The following KCTD20 variants were observed in gnomAD, a reference collection of about 807,000 sequenced individuals.
The protein encoded by KCTD20 is BTB/POZ domain-containing protein KCTD20.
In KCTD20, 30 loss-of-function variants were observed where a neutral mutation model predicts 39.6. The observed-to-expected ratio is 0.76, with a 90% CI of 0.57 to 1.03. The LOEUF (loss-of-function observed/expected upper bound fraction) is 1.03, where lower values mean the gene tolerates loss of function less well. Among genes scored for constraint, KCTD20 ranks in the 50% least tolerant of loss-of-function variants. The pLI, the probability that KCTD20 is intolerant of heterozygous loss-of-function variation, is 0.00. For missense variants in KCTD20, 422 were observed against 522.0 expected (o/e 0.81, Z 1.87); for synonymous variants, 162 against 180.6 (o/e 0.90, Z 0.83).
At chr6:36,464,511 G>A (rs1486283011) in intron 1 of KCTD20, among the ~76,000 whole-genome samples, 2 of 152,162 alleles carry the variant, frequency 1.3e-5, no homozygotes, top group Non-Finnish European at 2.9e-5. Context: ...TAGAGACTCA[G>A]TACTTTCGGA....
intron 1 of KCTD20, among the ~76,000 whole-genome samples, chr6:36,455,575 C>T (rs1328753326): frequency 2.7e-5 from 4 of 148,418 alleles, no homozygotes; most frequent in Non-Finnish European, 5.9e-5. Context: ...AGCGTTCCAC[C>T]AAAGAAAATA....
At position 36,481,477 on chromosome 6, in the gene KCTD20, A is replaced by T. The variant is rs1582369399; in HGVS notation, c.659-85A>T. ...ACTTCTCTGAACCTCATCAATGATA[A>T]CAGCCATTCCCTCATAGTCTTTTTC... On this transcript the variant is annotated intron_variant, in intron 5 of 7. Coordinates refer to ENST00000373731, the MANE Select transcript of KCTD20 (RefSeq NM_173562.5). 2.8e-5 allele frequency: 27 copies of T among 977,204 alleles called. No homozygotes were observed. In the South Asian group the frequency reaches 3.2e-4, roughly 12 times the overall value. 60.5% of individuals were successfully genotyped at this position (977,204 alleles called of 1,614,324 possible).
At chr6:36,449,160 A>T (rs935417958) in intron 1 of KCTD20, among the ~76,000 whole-genome samples, 10 of 152,210 alleles carry the variant, frequency 6.6e-5, no homozygotes, top group African/African-American at 2.4e-4. Flanking sequence ...GCCAGCATTT[A>T]GTCCCTTATT....
At chr6:36,455,622 C>T (rs1775411009) in intron 1 of KCTD20, among the ~76,000 whole-genome samples, 1 of 144,746 alleles carries the variant, frequency 6.9e-6, no homozygotes, top group African/African-American at 2.7e-5. Flanking sequence ...TGTGTGTGTT[C>T]ACACACATAC....
chr6:36,487,339 T>A lies in KCTD20; in HGVS notation c.*164T>A. ...ATGTCCTTTTCAGTAAGTCCATGCC[T>A]CTGGCAGGGGATGAAGAAGTACTCA... On this transcript the variant is annotated 3_prime_UTR_variant, in exon 8 of 8. Transcript: ENST00000373731. 1 of 670,786 alleles carries A rather than the reference T, an allele frequency of 1.5e-6. No homozygotes were observed. Among genetic ancestry groups the A allele is most frequent in the Non-Finnish European group, 2.5e-6 (1 of 403,566 alleles). The allele number at this position is 670,786 out of a possible 1,614,324, so 41.6% of individuals were successfully genotyped here. A position where few individuals can be genotyped will look rare whatever the true frequency, so the allele number is the denominator to read the frequency against.
rs575265872 is a variant in KCTD20 at position 36,461,651 on chromosome 6, C to T, written c.-46-8401C>T. Among the ~76,000 whole-genome samples the T allele has an allele frequency of 2.5e-3, 381 of 152,090 alleles. 2 individuals are homozygous for T. Among genetic ancestry groups the T allele is most frequent in the African/African-American group, 8.9e-3 (369 of 41,470 alleles). ...TATGTGCACAAAAGCTGTCTTTCAA[C>T]GTTAAGTTATATTGACAAAAAAGTA... On this transcript the variant is annotated intron_variant, in intron 1 of 7. Coordinates refer to ENST00000373731, the MANE Select transcript of KCTD20 (RefSeq NM_173562.5).
At chr6:36,456,578 CT>C (rs58002986) in intron 1 of KCTD20, among the ~76,000 whole-genome samples, 3,620 of 106,648 alleles carry the variant, frequency 0.034, 77 homozygotes, top group East Asian at 0.1. Flanking sequence ...CACGCCCAGG[CT>C]TTTTTTTTTT....
intron 1 of KCTD20, among the ~76,000 whole-genome samples, chr6:36,457,591 G>A (rs1223045037): frequency 1.3e-5 from 2 of 152,088 alleles, no homozygotes; most frequent in Admixed American, 1.3e-4. Flanking sequence ...GTGCATACCT[G>A]TAATACCAGC....
At chr6:36,464,480 C>A (rs1452240539) in intron 1 of KCTD20, among the ~76,000 whole-genome samples, 1 of 152,136 alleles carries the variant, frequency 6.6e-6, no homozygotes, top group Non-Finnish European at 1.5e-5. Context: ...CATCACACAC[C>A]AGCTAATTTC....
chr6:36,484,654 C>T (rs2127457377), intron 6 of KCTD20, 60 bp from the exon 7 acceptor site: 2 of 755,402 alleles, frequency 2.6e-6, no homozygotes, highest in East Asian at 2.5e-5. Context: ...ATTTTGTTAG[C>T]TTCTCTCTTT....
At chr6:36,479,352 G>C in intron 4 of KCTD20, 129 bp downstream of exon 4, 1 of 740,422 alleles carries the variant, frequency 1.4e-6, no homozygotes, top group Non-Finnish European at 2.2e-6. Flanking sequence ...TTCTCCCTTT[G>C]TTTTCTATTC....
intron 5 of KCTD20, among the ~76,000 whole-genome samples, chr6:36,480,999 A>AT (rs1776229029): frequency 6.6e-6 from 1 of 152,222 alleles, no homozygotes; most frequent in Non-Finnish European, 1.5e-5. Context: ...GAGAACTCAG[A>AT]TTGTCTGACT....
In KCTD20 at chr6:36,469,904, A is replaced by G. The variant is rs1775861985; in HGVS notation, c.-46-148A>G. 2.3e-6 allele frequency: 1 copy of G among 441,532 alleles called. No homozygotes were observed. The allele number at this position is 441,532 out of a possible 1,614,324, so 27.4% of individuals were successfully genotyped here. Reference sequence around the variant, plus strand: ...ATTTAAATCAGCCTGATTCCTATCGATATAAAAATCACAAAAATGTTTAAG... The same window carrying G: ...ATTTAAATCAGCCTGATTCCTATCGGTATAAAAATCACAAAAATGTTTAAG... On this transcript the variant is annotated intron_variant, in intron 1 of 7. Coordinates refer to ENST00000373731, the MANE Select transcript of KCTD20 (RefSeq NM_173562.5). The surrounding 1 kb of genome is among the most constrained non-coding windows in gnomAD (Gnocchi z 4.6).
chr6:36,485,777 C>T (rs1206017335), intron 7 of KCTD20, among the ~76,000 whole-genome samples: 1 of 152,136 alleles, frequency 6.6e-6, no homozygotes, highest in Non-Finnish European at 1.5e-5. Flanking sequence ...CAGATGTGAG[C>T]CACGGCGCCT....
At chr6:36,474,029 C>T (rs1385480421) in intron 2 of KCTD20, among the ~76,000 whole-genome samples, 1 of 152,082 alleles carries the variant, frequency 6.6e-6, no homozygotes, top group Non-Finnish European at 1.5e-5. Flanking sequence ...AAATTAAAGA[C>T]TATCATTATC....
rs905785257 is a variant in KCTD20 at position 36,490,987 on chromosome 6, G to A, written c.*3812G>A. ...ATTTGTGTTCTGGGTGGGATCACTA[G>A]TGCAGGAGAACATTACATTTTCTTC... On this transcript the variant is annotated 3_prime_UTR_variant, in exon 8 of 8. Coordinates refer to ENST00000373731, the MANE Select transcript of KCTD20 (RefSeq NM_173562.5). 2 of 152,256 alleles carry A rather than the reference G, an allele frequency of 1.3e-5. No individual in the cohort carries two copies. Among genetic ancestry groups the A allele is most frequent in the East Asian group, 1.9e-4 (1 of 5,204 alleles). 9.4% of individuals were successfully genotyped at this position (152,256 alleles called of 1,614,324 possible). A position where few individuals can be genotyped will look rare whatever the true frequency, so the allele number is the denominator to read the frequency against.
chr6:36,483,524 A>AT (rs1026050559), intron 6 of KCTD20, among the ~76,000 whole-genome samples: 13 of 151,866 alleles, frequency 8.6e-5, no homozygotes, highest in Non-Finnish European at 1.5e-4. Flanking sequence ...TTCTTAAAAA[A>AT]TTTTTTTACA....
chr6:36,456,185 A>G (rs1003433378), intron 1 of KCTD20, among the ~76,000 whole-genome samples: 7 of 152,198 alleles, frequency 4.6e-5, no homozygotes, highest in Admixed American at 6.5e-5. Context: ...GGCCAGGTAC[A>G]GTAGCTCACA....
chr6:36,447,390 G>C (rs993081083), intron 1 of KCTD20, among the ~76,000 whole-genome samples: 1 of 152,138 alleles, frequency 6.6e-6, no homozygotes, highest in African/African-American at 2.4e-5. Context: ...CACTTTGAGA[G>C]GCTGAGGTGG....
Sources: allele counts gnomAD v4.1 joint callset (sites outside exome capture counted in the v4.1 genomes callset), GRCh38; gene constraint gnomAD v4.1.1; non-coding constraint Gnocchi (gnomAD v3.1); transcripts MANE v1.5; gene names NCBI Gene and HGNC (gene_info 2026-07-23, HGNC 2026-07-21).